PNPLA3: variants seen among roughly 807,000 people sequenced by gnomAD.
PNPLA3 encodes patatin like domain 3, 1-acylglycerol-3-phosphate O-acyltransferase, also known as 1-acylglycerol-3-phosphate O-acyltransferase PNPLA3.
A neutral mutation model predicts 43.1 loss-of-function variants in PNPLA3; 42 were observed. The observed-to-expected ratio is 0.97, with a 90% CI of 0.76 to 1.26. PNPLA3 has a LOEUF of 1.26. Among genes scored for constraint, PNPLA3 ranks in the 50% most tolerant of loss-of-function variants. The pLI, the probability that PNPLA3 is intolerant of heterozygous loss-of-function variation, is 0.00. For missense variants in PNPLA3, 647 were observed against 621.4 expected, an observed-to-expected ratio of 1.04 and a Z score of -0.44; for synonymous variants, 272 against 253.6, an observed-to-expected ratio of 1.07 and a Z score of -0.69.
chr22:43,946,295 C>G lies in PNPLA3; in HGVS notation c.1359C>G (p.Ser453Arg), dbSNP rs76510336. 3.3e-3 allele frequency: 5,328 copies of G among 1,614,128 alleles called. 150 individuals carry two copies. In the African/African-American group the frequency reaches 0.061, roughly 18 times the overall value. The change falls in exon 9 of 9, where the codon AGC becomes AGG. Residue 453 changes from serine (S) to arginine (R), a missense_variant. By Grantham distance (110) the Ser-to-Arg change is moderately radical. Transcript: ENST00000216180. ...CCCCGCGGTCCATCCTCAGGTCCAGCCTGAACTTCTTCTTGGGCAATAAAG... is the reference window on the plus strand; with the variant it reads ...CCCCGCGGTCCATCCTCAGGTCCAGGCTGAACTTCTTCTTGGGCAATAAAG... Reference protein sequence around the residue: ...EATPRSILRSSLNFFLGNKVP... With the variant: ...EATPRSILRSRLNFFLGNKVP...
chr22:43,929,286 G>A (rs1448940478), intron 3 of PNPLA3, among the ~76,000 whole-genome samples: 1 of 151,916 alleles, frequency 6.6e-6, no homozygotes, highest in Non-Finnish European at 1.5e-5. Flanking sequence ...GACCAGCCTG[G>A]CCAACAGTGT....
In PNPLA3 at chr22:43,934,600, T is replaced by A. The variant is rs757456753; in HGVS notation, c.697-6T>A. ...GCTGTAGTCCCCTTGCTTGCTTTGC[T>A]CACAGGTGCTGGGAGAGATATGCCT... is the stretch of plus-strand genomic sequence containing the variant. On this transcript the variant is annotated splice_polypyrimidine_tract_variant and splice_region_variant and intron_variant, in intron 4 of 8. Transcript: ENST00000216180. 1.2e-6 allele frequency: 2 copies of A among 1,613,220 alleles called. No individual in the cohort carries two copies. Among genetic ancestry groups the A allele is most frequent in the Non-Finnish European group, 1.7e-6 (2 of 1,179,222 alleles).
chr22:43,924,332 C>G (rs1421059336), intron 1 of PNPLA3: 1 of 520,460 alleles, frequency 1.9e-6, no homozygotes, highest in Non-Finnish European at 3.3e-6. Flanking sequence ...GCCTGGGACT[C>G]TCGTGCGTCC....
chr22:43,935,372 C>A (rs1261443460), intron 5 of PNPLA3, among the ~76,000 whole-genome samples: 1 of 151,988 alleles, frequency 6.6e-6, no homozygotes, highest in Admixed American at 6.6e-5. Context: ...GAGGTGTGAC[C>A]CTTGCCAGCC....
chr22:43,932,795 C>T, intron 3 of PNPLA3, 83 bp from the exon 4 acceptor site: 1 of 1,271,264 alleles, frequency 7.9e-7, no homozygotes, highest in South Asian at 1.3e-5. Flanking sequence ...AGAAGCTCTG[C>T]CCACATGTGA....
At chr22:43,931,633 A>T (rs977243263) in intron 3 of PNPLA3, among the ~76,000 whole-genome samples, 1 of 152,162 alleles carries the variant, frequency 6.6e-6, no homozygotes, top group African/African-American at 2.4e-5. Flanking sequence ...CTCCTGCCTC[A>T]GCCTCCCGAG....
At chr22:43,937,931 G>A (rs80254209) in intron 6 of PNPLA3, among the ~76,000 whole-genome samples, 2,584 of 152,280 alleles carry the variant, frequency 0.017, 81 homozygotes, top group African/African-American at 0.06. Context: ...AGGAGGTGGG[G>A]CCTTTGGGAG....
chr22:43,932,919 T>C lies in PNPLA3; in HGVS notation c.528T>C (p.Ile176=), dbSNP rs2049970728. Residue 176 remains isoleucine, a synonymous_variant, in exon 4 of 9, where the codon ATT becomes ATC. Transcript: ENST00000216180. ...GAGTGAGTGACAACGTACCCTTCAT[T>C]GATGCCAAAACAACCATCACCGTGT... is the stretch of plus-strand genomic sequence containing the variant. The part of the protein sequence containing the change: ...DGGVSDNVPF[I]DAKTTITVSP... 6 of 1,614,088 alleles carry C rather than the reference T, an allele frequency of 3.7e-6. No homozygotes were observed. Among genetic ancestry groups the C allele is most frequent in the Non-Finnish European group, 5.1e-6 (6 of 1,180,048 alleles).
At position 43,945,278 on chromosome 22, in the gene PNPLA3, C is replaced by T. The variant is rs190897407; in HGVS notation, c.1217+483C>T. 2.9e-3 allele frequency among the ~76,000 whole-genome samples: 444 copies of T among 152,302 alleles called. 4 individuals are homozygous for T. The highest frequency in any genetic ancestry group is 0.01 in the African/African-American group (417 of 41,564). ...ATGCAAGCCCCCTGTCCTCCACCCTCTGTTGTACTGAGTCACAGTCTCCGG... is the reference window on the plus strand; with the variant it reads ...ATGCAAGCCCCCTGTCCTCCACCCTTTGTTGTACTGAGTCACAGTCTCCGG... On this transcript the variant is annotated intron_variant, in intron 8 of 8. Transcript: ENST00000216180.
chr22:43,937,023 A>G (rs1207065945), intron 5 of PNPLA3, 28 bp from the exon 6 acceptor site: 2 of 1,594,998 alleles, frequency 1.3e-6, no homozygotes, highest in Non-Finnish European at 1.7e-6. Context: ...CGTTCGCCTG[A>G]TGGGCTTGTT....
At chr22:43,934,903 C>T (rs920785836) in intron 5 of PNPLA3, among the ~76,000 whole-genome samples, 2 of 152,076 alleles carry the variant, frequency 1.3e-5, no homozygotes, top group Admixed American at 6.6e-5. Flanking sequence ...GGGGCAGAGC[C>T]GAGATTTGAA....
chr22:43,937,351 A>G (rs775205202), intron 6 of PNPLA3, 79 bp downstream of exon 6: 233 of 1,354,168 alleles, frequency 1.7e-4, no homozygotes, highest in Middle Eastern at 7.2e-4. Flanking sequence ...GTACTGCCAC[A>G]TGGGAGCGAT....
chr22:43,930,128 T>A (rs2049952735), intron 3 of PNPLA3, among the ~76,000 whole-genome samples: 1 of 152,164 alleles, frequency 6.6e-6, no homozygotes, highest in Non-Finnish European at 1.5e-5. Flanking sequence ...ATTAGGAGCC[T>A]CCCATTACAG....
intron 7 of PNPLA3, among the ~76,000 whole-genome samples, chr22:43,941,811 G>A (rs539377942): frequency 9.2e-5 from 14 of 152,026 alleles, no homozygotes; most frequent in Admixed American, 5.2e-4. Context: ...AAATTACCCT[G>A]GTCTGAATAT....
At chr22:43,932,819 A>C in intron 3 of PNPLA3, 59 bp from the exon 4 acceptor site, 2 of 1,489,768 alleles carry the variant, frequency 1.3e-6, no homozygotes, top group Non-Finnish European at 1.9e-6. Context: ...CTTGTTAAGC[A>C]CTTAAGCACT....
chr22:43,924,429 G>A (rs1461891991), intron 1 of PNPLA3: 1 of 314,016 alleles, frequency 3.2e-6, no homozygotes, highest in South Asian at 6.7e-5. Context: ...GCGACGGGGA[G>A]TAGGGAGCGG....
chr22:43,941,186 T>C (rs1342110009), intron 7 of PNPLA3, among the ~76,000 whole-genome samples: 3 of 145,944 alleles, frequency 2.1e-5, no homozygotes, highest in African/African-American at 5.1e-5. Flanking sequence ...CACATGAAAG[T>C]AGAACATAGG....
At chr22:43,942,177 C>G (rs2050035022) in intron 7 of PNPLA3, among the ~76,000 whole-genome samples, 1 of 152,208 alleles carries the variant, frequency 6.6e-6, no homozygotes, top group Non-Finnish European at 1.5e-5. Flanking sequence ...GGTCCTCCTG[C>G]CCCACTTCCA....
At chr22:43,924,158 A>G (rs1373698160) in intron 1 of PNPLA3, 60 bp downstream of exon 1, 1 of 1,396,462 alleles carries the variant, frequency 7.2e-7, no homozygotes, top group Admixed American at 3.4e-5. Context: ...TAGGCCGGGG[A>G]GCGGGGGATC....
Sources: gnomAD v4.1 joint callset for allele counts (sites outside exome capture counted in the v4.1 genomes callset) on GRCh38, gnomAD v4.1.1 for gene constraint, MANE v1.5 for transcripts, NCBI Gene and HGNC (gene_info 2026-07-23, HGNC 2026-07-21) for gene names.